Variants in SMAD6 observed in about 807,000 individuals in gnomAD.
SMAD6 encodes the protein SMAD family member 6.
Under a neutral mutation model 39.4 loss-of-function variants are expected in SMAD6, and 103 were observed. The observed-to-expected ratio is 2.62, with a 90% CI of 2.23 to 3.08. The LOEUF (loss-of-function observed/expected upper bound fraction) is 3.08. Ranked by LOEUF, SMAD6 falls within the 30% of genes most tolerant of loss-of-function variation. The pLI is 0.00. For missense variants in SMAD6, 1,104 were observed against 742.9 expected, an observed-to-expected ratio of 1.49 and a Z score of -5.65; for synonymous variants, 445 against 353.3, an observed-to-expected ratio of 1.26 and a Z score of -2.91.
chr15:66,766,823 T>G (rs1457867734), intron 3 of SMAD6, among the ~76,000 whole-genome samples: 1 of 152,196 alleles, frequency 6.6e-6, no homozygotes, highest in Non-Finnish European at 1.5e-5. Flanking sequence ...GATGTCTCCC[T>G]GGGACTCTTG....
chr15:66,770,107 C>G (rs780732689), intron 3 of SMAD6, among the ~76,000 whole-genome samples: 6 of 152,194 alleles, frequency 3.9e-5, no homozygotes, highest in Non-Finnish European at 8.8e-5. Context: ...GGATTGCAGC[C>G]GTGAGCCACT....
chr15:66,720,030 C>T (rs1019602429), intron 3 of SMAD6, among the ~76,000 whole-genome samples: 4 of 152,116 alleles, frequency 2.6e-5, no homozygotes, highest in Admixed American at 2.6e-4. Context: ...GGGGTACCTT[C>T]AGAACTTTGG....
At chr15:66,736,235 T>C (rs1309232454) in intron 3 of SMAD6, among the ~76,000 whole-genome samples, 1 of 152,182 alleles carries the variant, frequency 6.6e-6, no homozygotes, top group African/African-American at 2.4e-5. Flanking sequence ...AGGATGCCCA[T>C]TTATATTTGA....
At chr15:66,773,361 A>G (rs748244206) in intron 3 of SMAD6, among the ~76,000 whole-genome samples, 5 of 152,172 alleles carry the variant, frequency 3.3e-5, no homozygotes, top group Non-Finnish European at 7.3e-5. Context: ...TTACTGCCGG[A>G]GCCCGGTGGA....
At position 66,702,446 on chromosome 15, in the gene SMAD6, GACCTCGGCA is replaced by G. The variant is rs1892991784; in HGVS notation, c.-812_-804del. 6.6e-6 allele frequency: 1 copy of G among 152,036 alleles called. No homozygotes were observed. The highest frequency in any genetic ancestry group is 2.1e-4 in the South Asian group (1 of 4,824). 9.4% of individuals were successfully genotyped at this position (152,036 alleles called of 1,614,324 possible). ...CTTTTGTGGAGGGGGGAGGGGGGGC[GACCTCGGCA>G]GCCTCGGCGCACGAAGCGTCCGAGG... On this transcript the variant is annotated 5_prime_UTR_variant, in exon 1 of 4. Transcript: ENST00000288840.
intron 3 of SMAD6, chr15:66,717,105 G>A: frequency 7.8e-7 from 1 of 1,288,896 alleles, no homozygotes. Context: ...ACATCCGGAG[G>A]AATACCTGAA....
intron 3 of SMAD6, among the ~76,000 whole-genome samples, chr15:66,731,784 T>C (rs1408808319): frequency 6.6e-6 from 1 of 152,156 alleles, no homozygotes; most frequent in African/African-American, 2.4e-5. Context: ...ACATATAACT[T>C]TACAACAGGC....
At chr15:66,778,169 A>G (rs904901975) in intron 3 of SMAD6, among the ~76,000 whole-genome samples, 5 of 151,736 alleles carry the variant, frequency 3.3e-5, no homozygotes, top group Non-Finnish European at 7.4e-5. Context: ...GGTAGCTTCA[A>G]ACTTGGGCTC....
rs748174423 is a variant in SMAD6, at chr15:66,781,546, G to A, written c.*11G>A. On this transcript the variant is annotated 3_prime_UTR_variant, in exon 4 of 4. Coordinates refer to ENST00000288840, the MANE Select transcript of SMAD6 (RefSeq NM_005585.5). The stretch of plus-strand genomic sequence containing the variant: ...AACAACCCCAGATAGTGGCGGCCCC[G>A]GCGGGAGGGGCGGGTGGGAGGCCGC... 3.4e-6 allele frequency: 5 copies of A among 1,487,096 alleles called. No individual in the cohort carries two copies. Among genetic ancestry groups the A allele is most frequent in the African/African-American group, 1.4e-5 (1 of 70,002 alleles). The allele number at this position is 1,487,096 out of a possible 1,614,324, so 92.1% of individuals were successfully genotyped here. A position where few individuals can be genotyped will look rare whatever the true frequency, so the allele number is the denominator to read the frequency against.
At chr15:66,726,912 C>G (rs1011887112) in intron 3 of SMAD6, among the ~76,000 whole-genome samples, 10 of 151,926 alleles carry the variant, frequency 6.6e-5, no homozygotes, top group African/African-American at 2.4e-4. Flanking sequence ...AATGCGCAGC[C>G]TGGGCTAAGA....
intron 1 of SMAD6, among the ~76,000 whole-genome samples, chr15:66,710,307 C>A (rs1175977958): frequency 1.3e-5 from 2 of 152,178 alleles, no homozygotes; most frequent in Non-Finnish European, 2.9e-5. Context: ...TGGAGTGAGA[C>A]ACAACGTAGA....
chr15:66,718,377 G>C (rs957819446), intron 3 of SMAD6, among the ~76,000 whole-genome samples: 1 of 152,076 alleles, frequency 6.6e-6, no homozygotes, highest in African/African-American at 2.4e-5. Context: ...TGAGATTTCC[G>C]ACCGGATATC....
In SMAD6 at chr15:66,704,079, A is replaced by G; in HGVS notation, c.817+4A>G. ...TTCAGCCGGCTCTGCGGGCCCGGTG[A>G]GCGCGCTGCGCCGGCCGGGGGGGCC... On this transcript the variant is annotated splice_donor_region_variant and intron_variant, in intron 1 of 3. Coordinates refer to ENST00000288840, the MANE Select transcript of SMAD6 (RefSeq NM_005585.5). 1 of 1,474,158 alleles carries G rather than the reference A, an allele frequency of 6.8e-7. No homozygotes were observed. Among genetic ancestry groups the G allele is most frequent in the East Asian group, 2.9e-5 (1 of 34,272 alleles). The allele number at this position is 1,474,158 out of a possible 1,614,324, so 91.3% of individuals were successfully genotyped here.
chr15:66,706,670 T>G (rs1032283994), intron 1 of SMAD6: 1 of 152,370 alleles, frequency 6.6e-6, no homozygotes, highest in East Asian at 1.9e-4. Context: ...CGCACACACA[T>G]AGCGCAGGCA....
chr15:66,712,742 C>G (rs1244294169), intron 2 of SMAD6, among the ~76,000 whole-genome samples: 1 of 150,288 alleles, frequency 6.7e-6, no homozygotes, highest in Non-Finnish European at 1.5e-5. Flanking sequence ...AACGATGGCT[C>G]ATGCCTATAA....
intron 3 of SMAD6, among the ~76,000 whole-genome samples, chr15:66,724,405 AAC>A (rs1272854324): frequency 6.6e-6 from 1 of 152,192 alleles, no homozygotes; most frequent in Non-Finnish European, 1.5e-5. Context: ...GATCACAGCT[AAC>A]ACAGAGTACC....
intron 3 of SMAD6, chr15:66,740,483 T>TA (rs1486660806): frequency 6.6e-6 from 1 of 152,160 alleles, no homozygotes; most frequent in Non-Finnish European, 1.5e-5. Context: ...GGCTTTAGAG[T>TA]AACACTTTGC....
At chr15:66,750,944 G>A (rs1468228380) in intron 3 of SMAD6, among the ~76,000 whole-genome samples, 1 of 152,154 alleles carries the variant, frequency 6.6e-6, no homozygotes, top group Admixed American at 6.5e-5. Context: ...GGGGCTGAGG[G>A]GATGTGAGCA....
Position 66,742,990 on chromosome 15 carries a change from T to C in SMAD6, c.952+26492T>C, listed in dbSNP as rs746544600. Among the ~76,000 whole-genome samples, 46 of 152,152 alleles carry C rather than the reference T, an allele frequency of 3.0e-4. 1 individual carries two copies. The highest frequency in any genetic ancestry group is 6.5e-4 in the Non-Finnish European group (44 of 68,020). On this transcript the variant is annotated intron_variant, in intron 3 of 3. Coordinates refer to ENST00000288840, the MANE Select transcript of SMAD6 (RefSeq NM_005585.5). ...ACAGTTAGCATGTGGTGGTGGTCCG[T>C]GCCCTGACCGTGTGACCGTTCCCTC...
Sources: gnomAD v4.1 joint callset for allele counts (sites outside exome capture counted in the v4.1 genomes callset) on GRCh38, gnomAD v4.1.1 for gene constraint, MANE v1.5 for transcripts, NCBI Gene and HGNC (gene_info 2026-07-23, HGNC 2026-07-21) for gene names.